The following TMEM150C variants were observed in gnomAD, a reference collection of about 807,000 sequenced individuals.
TMEM150C encodes transmembrane protein 150C, also known as tentonin 3.
A neutral mutation model predicts 29.9 loss-of-function variants in TMEM150C; 10 were observed. That is an observed-to-expected ratio of 0.33 (90% CI 0.21 to 0.57). TMEM150C has a LOEUF of 0.57. Among genes scored for constraint, TMEM150C ranks in the 20% least tolerant of loss-of-function variants. The pLI, the probability that TMEM150C is intolerant of heterozygous loss-of-function variation, is 0.88. For missense variants in TMEM150C, 251 were observed against 303.6 expected, an observed-to-expected ratio of 0.83 and a Z score of 1.29; for synonymous variants, 101 against 112.5, an observed-to-expected ratio of 0.90 and a Z score of 0.64.
chr4:82,511,472 A>AT (rs397935719), intron 1 of TMEM150C, among the ~76,000 whole-genome samples: 4,690 of 106,316 alleles, frequency 0.044, 189 homozygotes, highest in Middle Eastern at 0.065. Flanking sequence ...TCCCAACACT[A>AT]TTTTTTTTTT....
At chr4:82,520,420 CCT>C (rs1249015320) in intron 1 of TMEM150C, among the ~76,000 whole-genome samples, 2 of 152,222 alleles carry the variant, frequency 1.3e-5, no homozygotes, top group African/African-American at 2.4e-5. Context: ...CCCCATCCTT[CCT>C]CTTTCTCAGG....
intron 1 of TMEM150C, among the ~76,000 whole-genome samples, chr4:82,539,558 T>C (rs1725131682): frequency 6.6e-6 from 1 of 151,972 alleles, no homozygotes; most frequent in South Asian, 2.1e-4. Context: ...GTTCACGCCA[T>C]TCTCCTGCCT....
chr4:82,562,178 G>T (rs1327148156), upstream of TMEM150C: 1 of 1,282,954 alleles, frequency 7.8e-7, no homozygotes, highest in Non-Finnish European at 1.0e-6. Flanking sequence ...GCAGGAGCCG[G>T]GTGTGGGCGG....
At chr4:82,496,828 C>T (rs1018881257) in intron 5 of TMEM150C, among the ~76,000 whole-genome samples, 12 of 152,264 alleles carry the variant, frequency 7.9e-5, no homozygotes, top group Non-Finnish European at 1.6e-4. Flanking sequence ...CACTTCCCTT[C>T]GATTCTACTT....
chr4:82,511,150 T>C (rs999243256), intron 1 of TMEM150C, among the ~76,000 whole-genome samples: 1 of 152,148 alleles, frequency 6.6e-6, no homozygotes, highest in African/African-American at 2.4e-5. Flanking sequence ...TTTAAGAGTA[T>C]ATGACTTCCC....
chr4:82,559,833 T>A (rs9993136), intron 1 of TMEM150C, among the ~76,000 whole-genome samples: 2 of 152,192 alleles, frequency 1.3e-5, no homozygotes, highest in African/African-American at 4.8e-5. Context: ...TGATCCCAAA[T>A]GGCCAGATTG....
intron 1 of TMEM150C, among the ~76,000 whole-genome samples, chr4:82,560,335 C>T (rs1725880295): frequency 6.6e-6 from 1 of 152,158 alleles, no homozygotes; most frequent in Non-Finnish European, 1.5e-5. Flanking sequence ...GTCATAACAT[C>T]TATCAACTAG....
At chr4:82,551,319 C>G (rs1280597293) in intron 1 of TMEM150C, among the ~76,000 whole-genome samples, 2 of 152,130 alleles carry the variant, frequency 1.3e-5, no homozygotes, top group African/African-American at 4.8e-5. Context: ...TCTGTCCTCC[C>G]CACTATAATG....
At chr4:82,556,108 AG>A (rs1310138258) in intron 1 of TMEM150C, among the ~76,000 whole-genome samples, 1 of 146,496 alleles carries the variant, frequency 6.8e-6, no homozygotes, top group Non-Finnish European at 1.5e-5. Context: ...TTTTTCTTGG[AG>A]GGGGGATTAC....
At chr4:82,494,814 T>A in intron 6 of TMEM150C, 1 of 340,052 alleles carries the variant, frequency 2.9e-6, no homozygotes, top group African/African-American at 2.3e-5. Context: ...GTGAGTCTGA[T>A]CTTATTTGTT....
At chr4:82,556,061 A>C (rs952602873) in intron 1 of TMEM150C, among the ~76,000 whole-genome samples, 1 of 151,706 alleles carries the variant, frequency 6.6e-6, no homozygotes, top group African/African-American at 2.4e-5. Context: ...ATTTGAACCT[A>C]GGGGTCCGGG....
At chr4:82,507,721 CTCTCTCTTTTTTTTTTTTTTTT>C (rs1346949325) in intron 1 of TMEM150C, among the ~76,000 whole-genome samples, 3 of 59,984 alleles carry the variant, frequency 5.0e-5, no homozygotes, top group African/African-American at 2.0e-4. Flanking sequence ...CTCTCTCTCT[CTCTCTCTTTTTTTTTTTTTTTT>C]TTTTTTTTTT....
chr4:82,504,556 A>C (rs769906380), intron 2 of TMEM150C, 22 bp downstream of exon 2: 1 of 1,596,550 alleles, frequency 6.3e-7, no homozygotes, highest in Non-Finnish European at 8.6e-7. Context: ...ATCCTTAAAT[A>C]ATTAAATGAG....
Position 82,496,058 on chromosome 4 carries a change from A to G in TMEM150C, c.363+10T>C, listed in dbSNP as rs199919911. 2 of 1,613,988 alleles carry G rather than the reference A, an allele frequency of 1.2e-6. No individual in the cohort carries two copies. Among genetic ancestry groups the G allele is most frequent in the Non-Finnish European group, 1.7e-6 (2 of 1,179,864 alleles). ...TGTCAGAGGGAGGTGAAAAAGGCCAAATCAAGTACCTGAAAATTACCAAGT... is the reference window on the plus strand; with the variant it reads ...TGTCAGAGGGAGGTGAAAAAGGCCAGATCAAGTACCTGAAAATTACCAAGT... On this transcript the variant is annotated intron_variant, in intron 6 of 7. Coordinates refer to ENST00000449862, the MANE Select transcript of TMEM150C (RefSeq NM_001080506.3).
At chr4:82,507,064 A>G (rs1578130915) in intron 1 of TMEM150C, among the ~76,000 whole-genome samples, 1 of 152,202 alleles carries the variant, frequency 6.6e-6, no homozygotes, top group East Asian at 1.9e-4. Flanking sequence ...GTGAGATTCA[A>G]CTAAATGAAC....
chr4:82,530,008 G>C (rs1724784463), intron 1 of TMEM150C, among the ~76,000 whole-genome samples: 1 of 151,832 alleles, frequency 6.6e-6, no homozygotes, highest in African/African-American at 2.4e-5. Flanking sequence ...TTCAGAGGAC[G>C]GGCCCTCAGC....
chr4:82,503,166 T>C, intron 2 of TMEM150C, 54 bp from the exon 3 acceptor site: 1 of 1,339,194 alleles, frequency 7.5e-7, no homozygotes, highest in Non-Finnish European at 1.0e-6. Context: ...AAGAATCATT[T>C]GTTTCCCAGT....
At chr4:82,526,734 T>G (rs900429352) in intron 1 of TMEM150C, among the ~76,000 whole-genome samples, 1 of 152,212 alleles carries the variant, frequency 6.6e-6, no homozygotes, top group African/African-American at 2.4e-5. Context: ...CAAAAACCTC[T>G]CAATTAATTA....
At chr4:82,520,302 G>T (rs1724441777) in intron 1 of TMEM150C, among the ~76,000 whole-genome samples, 1 of 152,154 alleles carries the variant, frequency 6.6e-6, no homozygotes, top group African/African-American at 2.4e-5. Context: ...ATGCAATGTG[G>T]ACATCTCAGT....
Sources: gnomAD v4.1 joint callset for allele counts (sites outside exome capture counted in the v4.1 genomes callset) on GRCh38, gnomAD v4.1.1 for gene constraint, MANE v1.5 for transcripts, NCBI Gene and HGNC (gene_info 2026-07-23, HGNC 2026-07-21) for gene names.